NLGN1: variants seen among roughly 807,000 people sequenced by gnomAD.
The protein encoded by NLGN1 is neuroligin-1.
Under a neutral mutation model 65.5 loss-of-function variants are expected in NLGN1, and 12 were observed. The observed-to-expected ratio is 0.18, with a 90% CI of 0.12 to 0.30. NLGN1 has a LOEUF of 0.30. Ranked by LOEUF, NLGN1 falls within the 10% of genes least tolerant of loss-of-function variation. The probability of loss-of-function intolerance (pLI) is 1.00; values close to 1 mark genes in which losing one functional copy is unlikely to be tolerated. For synonymous variants in NLGN1, 350 were observed against 359.5 expected (o/e 0.97, Z 0.30); for missense variants, 750 against 1,007.1 (o/e 0.74, Z 3.46).
chr3:173,667,187 G>T (rs564218657), intron 3 of NLGN1, among the ~76,000 whole-genome samples: 6 of 150,316 alleles, frequency 4.0e-5, no homozygotes, highest in African/African-American at 7.4e-5. Flanking sequence ...GGGCATTTAG[G>T]TTATTTCCAT....
rs16857431 is a variant in NLGN1, at chr3:174,178,309, A to G, written c.647-97006A>G. Among the ~76,000 whole-genome samples the G allele has an allele frequency of 7.0e-3, 1,062 of 152,204 alleles. 22 individuals carry two copies. Among genetic ancestry groups the G allele is most frequent in the African/African-American group, 0.023 (973 of 41,556 alleles). ...GTGTAGTCAGCCTAGGTGTTATTCA[A>G]TAGACCTGTTCCAACATCTACTGTG... On this transcript the variant is annotated intron_variant, in intron 4 of 6. Coordinates refer to ENST00000457714, the Ensembl canonical transcript of NLGN1.
At chr3:174,043,647 C>T (rs1319721836) in intron 4 of NLGN1, among the ~76,000 whole-genome samples, 2 of 152,358 alleles carry the variant, frequency 1.3e-5, no homozygotes, top group Admixed American at 1.3e-4. Context: ...TGGCCTTGGC[C>T]AGCTATGCCC....
At chr3:174,286,644 A>C (rs1312527169) in exon 7 of NLGN1, 1 of 151,594 alleles carries the variant, frequency 6.6e-6, no homozygotes, top group Admixed American at 6.6e-5. Flanking sequence ...ATGTTTTCCA[A>C]GTTGTGTTGA....
At chr3:174,022,044 G>C (rs1160537872) in intron 4 of NLGN1, among the ~76,000 whole-genome samples, 1 of 152,098 alleles carries the variant, frequency 6.6e-6, no homozygotes, top group African/African-American at 2.4e-5. Context: ...TGTTGCCTTG[G>C]TGTTCTGCCG....
At chr3:173,615,810 T>G (rs1752970496) in intron 3 of NLGN1, among the ~76,000 whole-genome samples, 1 of 151,848 alleles carries the variant, frequency 6.6e-6, no homozygotes, top group African/African-American at 2.4e-5. Context: ...GGGGAATGCT[T>G]TGGCTACTGA....
At chr3:173,628,718 G>C (rs983385076) in intron 3 of NLGN1, among the ~76,000 whole-genome samples, 1 of 151,758 alleles carries the variant, frequency 6.6e-6, no homozygotes, top group Non-Finnish European at 1.5e-5. Context: ...ATTTGAAATA[G>C]AGTCTTGCTT....
intron 2 of NLGN1, among the ~76,000 whole-genome samples, chr3:173,541,430 A>C (rs1231940403): frequency 6.6e-6 from 1 of 152,128 alleles, no homozygotes; most frequent in Non-Finnish European, 1.5e-5. Flanking sequence ...AAGAAGGTGA[A>C]GAGAGAGGGT....
chr3:173,455,682 C>G (rs1216188813), intron 2 of NLGN1, among the ~76,000 whole-genome samples: 1 of 151,560 alleles, frequency 6.6e-6, no homozygotes, highest in Admixed American at 6.6e-5. Context: ...AAGCAAACAA[C>G]AATAAAACAA....
chr3:174,143,839 T>G (rs1722717991), intron 4 of NLGN1, among the ~76,000 whole-genome samples: 1 of 152,196 alleles, frequency 6.6e-6, no homozygotes, highest in Admixed American at 6.5e-5. Context: ...TAATGCAATG[T>G]TGCTTGATTA....
At chr3:174,139,297 C>T (rs1179892081) in intron 4 of NLGN1, among the ~76,000 whole-genome samples, 1 of 152,130 alleles carries the variant, frequency 6.6e-6, no homozygotes, top group African/African-American at 2.4e-5. Context: ...CCCTGGCAAT[C>T]ACTGACCTTT....
intron 4 of NLGN1, among the ~76,000 whole-genome samples, chr3:173,942,001 C>T (rs1405359123): frequency 6.6e-6 from 1 of 151,668 alleles, no homozygotes; most frequent in East Asian, 1.9e-4. Context: ...ACAATGCTGA[C>T]ACCGAGAGAT....
chr3:174,178,401 C>A (rs1729823707), intron 4 of NLGN1, among the ~76,000 whole-genome samples: 1 of 152,050 alleles, frequency 6.6e-6, no homozygotes, highest in Non-Finnish European at 1.5e-5. Context: ...GATGAAAGTG[C>A]CCTGCTGCAA....
intron 3 of NLGN1, among the ~76,000 whole-genome samples, chr3:173,721,969 C>T (rs944557719): frequency 6.0e-5 from 9 of 149,688 alleles, no homozygotes; most frequent in African/African-American, 1.5e-4. Context: ...CCCAGTGGAA[C>T]GGAGTTACGT....
At chr3:174,208,725 A>C (rs930061573) in intron 4 of NLGN1, among the ~76,000 whole-genome samples, 2 of 152,140 alleles carry the variant, frequency 1.3e-5, no homozygotes, top group East Asian at 3.9e-4. Context: ...AGGTAAACAC[A>C]ATGCCTAGAA....
At chr3:173,748,731 A>G (rs755246587) in intron 3 of NLGN1, among the ~76,000 whole-genome samples, 3 of 152,130 alleles carry the variant, frequency 2.0e-5, no homozygotes, top group Non-Finnish European at 4.4e-5. Context: ...GTATTCAGCT[A>G]TGTAGATATC....
At chr3:173,914,397 A>G (rs1215186029) in intron 4 of NLGN1, among the ~76,000 whole-genome samples, 1 of 152,156 alleles carries the variant, frequency 6.6e-6, no homozygotes, top group Non-Finnish European at 1.5e-5. Flanking sequence ...CCTGGAGAAA[A>G]TGAAGCATGT....
intron 4 of NLGN1, among the ~76,000 whole-genome samples, chr3:174,190,526 A>G (rs1418391439): frequency 6.6e-6 from 1 of 152,102 alleles, no homozygotes; most frequent in African/African-American, 2.4e-5. Context: ...TGATACAACT[A>G]TGTTCACTGA....
At chr3:174,236,735 T>C (rs895481248) in intron 4 of NLGN1, among the ~76,000 whole-genome samples, 4 of 152,100 alleles carry the variant, frequency 2.6e-5, no homozygotes, top group African/African-American at 9.6e-5. Flanking sequence ...CATTTAAAAG[T>C]AGAATTTATA....
chr3:173,454,104 G>A (rs1020814256), intron 2 of NLGN1, among the ~76,000 whole-genome samples: 2 of 152,174 alleles, frequency 1.3e-5, no homozygotes, highest in Non-Finnish European at 2.9e-5. Context: ...GTGACTAGGT[G>A]CATTGTCAAT....
Sources: allele counts gnomAD v4.1 joint callset (sites outside exome capture counted in the v4.1 genomes callset), GRCh38; gene constraint gnomAD v4.1.1; transcripts MANE v1.5; gene names NCBI Gene and HGNC (gene_info 2026-07-23, HGNC 2026-07-21).